TTC33: variants seen among roughly 807,000 people sequenced by gnomAD.
The protein encoded by TTC33 is tetratricopeptide repeat domain 33.
A neutral mutation model predicts 29.4 loss-of-function variants in TTC33; 24 were observed. The ratio of observed to expected loss-of-function variants is 0.82; its 90% confidence interval spans 0.59 to 1.15. TTC33 has a LOEUF of 1.15. TTC33 is among the 50% of genes most tolerant of loss of function. The probability of loss-of-function intolerance (pLI) is 0.00; values close to 1 mark genes in which losing one functional copy is unlikely to be tolerated. For missense variants in TTC33, 286 were observed against 310.4 expected, an observed-to-expected ratio of 0.92 and a Z score of 0.59; for synonymous variants, 107 against 100.3, an observed-to-expected ratio of 1.07 and a Z score of -0.40.
chr5:40,733,384 A>C (rs1335901839), intron 2 of TTC33, among the ~76,000 whole-genome samples: 1 of 152,184 alleles, frequency 6.6e-6, no homozygotes, highest in African/African-American at 2.4e-5. Context: ...ACTGTATCCC[A>C]AAATAAGCCA....
At chr5:40,720,435 T>C (rs550123923) in intron 4 of TTC33, among the ~76,000 whole-genome samples, 1 of 152,358 alleles carries the variant, frequency 6.6e-6, no homozygotes, top group South Asian at 2.1e-4. Flanking sequence ...TACTATACTG[T>C]CTTGATTACT....
chr5:40,727,866 G>C (rs1463368420), intron 4 of TTC33, among the ~76,000 whole-genome samples: 1 of 152,060 alleles, frequency 6.6e-6, no homozygotes. Flanking sequence ...TAATAAAAAA[G>C]ATGTTCAGTA....
intron 2 of TTC33, among the ~76,000 whole-genome samples, chr5:40,744,296 C>T (rs939497117): frequency 2.6e-4 from 39 of 152,074 alleles, no homozygotes; most frequent in Admixed American, 1.3e-4. Flanking sequence ...ATTTATTTTC[C>T]ACCCTTTATT....
rs759828624 is a variant in TTC33 at position 40,728,376 on chromosome 5, C to G, written c.404G>C (p.Arg135Pro). Residue 135 changes from arginine (R) to proline (P), a missense_variant, in exon 4 of 5, where the codon CGT becomes CCT. Transcript: ENST00000337702. ...TATCTCTCCTAAACCAAGTTGAGCA[C>G]GTCCCAAAGTCTGCCAAGACTCCCA... ...HSWESWQTLG[R>P]AQLGLGEIIL... is the part of the protein sequence containing the mutation. 1.9e-6 allele frequency: 3 copies of G among 1,610,282 alleles called. No homozygotes were observed. The highest frequency in any genetic ancestry group is 1.3e-5 in the African/African-American group (1 of 74,622).
Position 40,714,571 on chromosome 5 carries a change from C to G in TTC33, c.*1574G>C, listed in dbSNP as rs1467459002. 2.6e-5 allele frequency: 4 copies of G among 152,128 alleles called. No homozygotes were observed. The highest frequency in any genetic ancestry group is 1.3e-4 in the Admixed American group (2 of 15,244). 9.4% of individuals were successfully genotyped at this position (152,128 alleles called of 1,614,324 possible). ...TGTTGAGTACTCACTTCTCTAGATACCTATTTACGTTTTGAGAATGTTCTT... is the reference window on the plus strand; with the variant it reads ...TGTTGAGTACTCACTTCTCTAGATAGCTATTTACGTTTTGAGAATGTTCTT... On this transcript the variant is annotated 3_prime_UTR_variant, in exon 5 of 5. Coordinates refer to ENST00000337702, the MANE Select transcript of TTC33 (RefSeq NM_012382.3).
At chr5:40,747,327 G>A (rs1171506891) in intron 1 of TTC33, among the ~76,000 whole-genome samples, 1 of 152,026 alleles carries the variant, frequency 6.6e-6, no homozygotes, top group East Asian at 1.9e-4. Flanking sequence ...CAAAGTGCTG[G>A]GATTACAAGC....
At chr5:40,718,196 G>A (rs1742047079) in intron 4 of TTC33, among the ~76,000 whole-genome samples, 1 of 151,514 alleles carries the variant, frequency 6.6e-6, no homozygotes, top group Non-Finnish European at 1.5e-5. Context: ...GCGAAAGCAT[G>A]GATCACTCAA....
chr5:40,739,174 A>ATT (rs1742639701), intron 2 of TTC33, among the ~76,000 whole-genome samples: 1 of 152,232 alleles, frequency 6.6e-6, no homozygotes, highest in Non-Finnish European at 1.5e-5. Context: ...AAGGACTTAA[A>ATT]TTAAGTAATA....
At chr5:40,720,274 C>T (rs545534657) in intron 4 of TTC33, among the ~76,000 whole-genome samples, 1 of 152,182 alleles carries the variant, frequency 6.6e-6, no homozygotes, top group East Asian at 1.9e-4. Flanking sequence ...TGTGGATATC[C>T]AACTGCCTCA....
chr5:40,721,602 C>A (rs1285898547), intron 4 of TTC33, among the ~76,000 whole-genome samples: 1 of 152,034 alleles, frequency 6.6e-6, no homozygotes, highest in East Asian at 1.9e-4. Context: ...AAACAAAAGT[C>A]AACTCCAAGT....
At chr5:40,747,349 C>T (rs1742815589) in intron 1 of TTC33, among the ~76,000 whole-genome samples, 1 of 152,134 alleles carries the variant, frequency 6.6e-6, no homozygotes, top group Non-Finnish European at 1.5e-5. Flanking sequence ...TGAGCCACCA[C>T]GCCCGGCCCA....
chr5:40,726,637 G>T (rs1742295354), intron 4 of TTC33, among the ~76,000 whole-genome samples: 1 of 150,852 alleles, frequency 6.6e-6, no homozygotes. Flanking sequence ...AGTCGAACTG[G>T]TACTCTTATT....
At chr5:40,722,153 C>T (rs903642043) in intron 4 of TTC33, among the ~76,000 whole-genome samples, 9 of 151,676 alleles carry the variant, frequency 5.9e-5, no homozygotes, top group Non-Finnish European at 1.2e-4. Context: ...TGCAGTGAGC[C>T]GAGATCGCAC....
In TTC33 at chr5:40,747,116, T is replaced by C. The variant is rs1053161339; in HGVS notation, c.-1-97A>G. The C allele has an allele frequency of 2.8e-6, 3 of 1,077,256 alleles. No homozygotes were observed. The East Asian group carries it at 7.6e-5, about 27-fold the overall frequency. The allele number at this position is 1,077,256 out of a possible 1,614,324, so 66.7% of individuals were successfully genotyped here. ...TCTCGTTGCCCAGGCTGGAGTACGA[T>C]GGCACGACCTCGGCTCACCGTAACC... On this transcript the variant is annotated intron_variant, in intron 1 of 4. Coordinates refer to ENST00000337702, the MANE Select transcript of TTC33 (RefSeq NM_012382.3).
chr5:40,724,928 C>T (rs1279989648), intron 4 of TTC33, among the ~76,000 whole-genome samples: 1 of 150,422 alleles, frequency 6.6e-6, no homozygotes, highest in South Asian at 2.1e-4. Flanking sequence ...TCTCAGCTCA[C>T]TGCAACCTCC....
chr5:40,738,608 A>AT (rs1742624445), intron 2 of TTC33, among the ~76,000 whole-genome samples: 3 of 150,578 alleles, frequency 2.0e-5, no homozygotes, highest in African/African-American at 2.4e-5. Context: ...ATAAAATAAA[A>AT]AAGTGAAACA....
At chr5:40,718,680 G>C (rs1742059560) in intron 4 of TTC33, among the ~76,000 whole-genome samples, 1 of 152,076 alleles carries the variant, frequency 6.6e-6, no homozygotes, top group Admixed American at 6.5e-5. Flanking sequence ...AGAGGTTGCA[G>C]TGAGCCGAGA....
chr5:40,737,325 T>G (rs1742574538), intron 2 of TTC33, among the ~76,000 whole-genome samples: 1 of 151,158 alleles, frequency 6.6e-6, no homozygotes, highest in Admixed American at 6.6e-5. Flanking sequence ...ACTGGGGACT[T>G]CTGCTACTAT....
chr5:40,714,101 G>C lies in TTC33; in HGVS notation c.*2044C>G, dbSNP rs1412677310. The stretch of plus-strand genomic sequence containing the variant: ...GAGGAAACACTAGGTTCTTATAACA[G>C]GGCCTAGTGGCCACATGCATTCCAT... On this transcript the variant is annotated 3_prime_UTR_variant, in exon 5 of 5. Coordinates refer to ENST00000337702, the MANE Select transcript of TTC33 (RefSeq NM_012382.3). Among the ~76,000 whole-genome samples the C allele has an allele frequency of 2.0e-5, 3 of 152,144 alleles. No individual in the cohort carries two copies. Among genetic ancestry groups the C allele is most frequent in the African/African-American group, 4.8e-5 (2 of 41,448 alleles).
Sources: allele counts gnomAD v4.1 joint callset (sites outside exome capture counted in the v4.1 genomes callset), GRCh38; gene constraint gnomAD v4.1.1; transcripts MANE v1.5; gene names NCBI Gene and HGNC (gene_info 2026-07-23, HGNC 2026-07-21).